LARGE1: variants seen among roughly 807,000 people sequenced by gnomAD.
The protein encoded by LARGE1 is xylosyl- and glucuronyltransferase LARGE1.
Under a neutral mutation model 87.6 loss-of-function variants are expected in LARGE1, and 43 were observed. The observed-to-expected ratio is 0.49, with a 90% CI of 0.38 to 0.63. The LOEUF (loss-of-function observed/expected upper bound fraction) is 0.63. Ranked by LOEUF, LARGE1 falls within the 30% of genes least tolerant of loss-of-function variation. The pLI is 0.00. For synonymous variants in LARGE1, 434 were observed against 394.6 expected (o/e 1.10, Z -1.18); for missense variants, 802 against 1,000.2 (o/e 0.80, Z 2.67).
chr22:33,879,033 C>T (rs981055593), intron 1 of LARGE1, among the ~76,000 whole-genome samples: 1 of 151,214 alleles, frequency 6.6e-6, no homozygotes, highest in African/African-American at 2.4e-5. Context: ...AATGCAATGG[C>T]GTGATCTCAG....
chr22:33,263,039 C>T (rs1368181203), intron 11 of LARGE1, among the ~76,000 whole-genome samples: 8 of 151,868 alleles, frequency 5.3e-5, no homozygotes, highest in Admixed American at 2.0e-4. Flanking sequence ...ATTACAGGCA[C>T]GCACCACCAT....
At chr22:33,644,645 TTATA>T (rs1208016023) in intron 3 of LARGE1, among the ~76,000 whole-genome samples, 2 of 152,158 alleles carry the variant, frequency 1.3e-5, no homozygotes, top group African/African-American at 4.8e-5. Flanking sequence ...GATGACATGA[TTATA>T]TATTTAGAAA....
At chr22:33,561,873 T>C (rs1226976256) in intron 6 of LARGE1, among the ~76,000 whole-genome samples, 1 of 152,132 alleles carries the variant, frequency 6.6e-6, no homozygotes, top group Admixed American at 6.5e-5. Flanking sequence ...GTCTAACTCC[T>C]GAAAAAGGCT....
chr22:33,521,619 G>T (rs1350519692), intron 6 of LARGE1, among the ~76,000 whole-genome samples: 2 of 152,176 alleles, frequency 1.3e-5, no homozygotes, highest in Non-Finnish European at 2.9e-5. Context: ...CCTCTTAATG[G>T]GAGGAGCTAC....
At chr22:33,457,306 T>A (rs1601924688) in intron 6 of LARGE1, among the ~76,000 whole-genome samples, 1 of 88,586 alleles carries the variant, frequency 1.1e-5, no homozygotes, top group Non-Finnish European at 2.3e-5. Flanking sequence ...TTTTTTTTTT[T>A]TTTTTTTTTT....
At chr22:33,072,905 G>T in the LARGE1 span, among the ~76,000 whole-genome samples, 1 of 152,142 alleles carries the variant, frequency 6.6e-6, no homozygotes, top group Non-Finnish European at 1.5e-5. Flanking sequence ...TCTATGAAAC[G>T]CCAGGGCTGG....
At chr22:33,785,646 G>C (rs1448568307) in intron 1 of LARGE1, among the ~76,000 whole-genome samples, 1 of 151,820 alleles carries the variant, frequency 6.6e-6, no homozygotes, top group Non-Finnish European at 1.5e-5. Flanking sequence ...CAACTGGAGG[G>C]GAAAAAAAAC....
At chr22:33,654,330 G>C (rs924327173) in intron 2 of LARGE1, among the ~76,000 whole-genome samples, 1 of 152,118 alleles carries the variant, frequency 6.6e-6, no homozygotes, top group African/African-American at 2.4e-5. Context: ...ATCTTGAGCC[G>C]GCCCCTTCCT....
intron 11 of LARGE1, among the ~76,000 whole-genome samples, chr22:33,312,869 AAC>A (rs1327819122): frequency 6.6e-6 from 1 of 152,204 alleles, no homozygotes; most frequent in East Asian, 1.9e-4. Flanking sequence ...AGGAGAAGGA[AAC>A]ACATATGTGA....
At chr22:33,436,468 C>T (rs1251706207) in intron 6 of LARGE1, 2 of 153,496 alleles carry the variant, frequency 1.3e-5, no homozygotes, top group Non-Finnish European at 2.9e-5. Context: ...GCTAAAAGCA[C>T]AGGCTCCTGG....
At chr22:33,650,942 C>G in intron 2 of LARGE1, among the ~76,000 whole-genome samples, 1 of 151,960 alleles carries the variant, frequency 6.6e-6, no homozygotes, top group Non-Finnish European at 1.5e-5. Flanking sequence ...CACTGTCTTC[C>G]TCTCCCTACT....
intron 11 of LARGE1, among the ~76,000 whole-genome samples, chr22:33,256,793 C>T (rs1298392472): frequency 6.6e-6 from 1 of 152,216 alleles, no homozygotes; most frequent in Non-Finnish European, 1.5e-5. Context: ...ATTCATTTTG[C>T]AGACAAGACT....
At chr22:33,524,199 G>A (rs1355535832) in intron 6 of LARGE1, among the ~76,000 whole-genome samples, 2 of 151,332 alleles carry the variant, frequency 1.3e-5, no homozygotes, top group East Asian at 1.9e-4. Flanking sequence ...GCTGAGGCAG[G>A]AGAACTGCTT....
intron 6 of LARGE1, among the ~76,000 whole-genome samples, chr22:33,462,306 T>C (rs1050220009): frequency 3.9e-5 from 6 of 152,126 alleles, no homozygotes; most frequent in African/African-American, 1.4e-4. Flanking sequence ...CCCTTCGGGA[T>C]GGCAAAATAA....
intron 2 of LARGE1, among the ~76,000 whole-genome samples, chr22:33,738,268 C>T (rs1245924180): frequency 6.6e-6 from 1 of 152,148 alleles, no homozygotes. Flanking sequence ...TGAACAAAGG[C>T]CAATCCCACA....
chr22:33,118,700 G>A, the LARGE1 span, among the ~76,000 whole-genome samples: 12 of 152,186 alleles, frequency 7.9e-5, no homozygotes, highest in African/African-American at 2.9e-4. Context: ...ATAAGAAACA[G>A]GTCTAATCTT....
chr22:33,691,887 C>T (rs1323751365), intron 2 of LARGE1, among the ~76,000 whole-genome samples: 2 of 152,230 alleles, frequency 1.3e-5, no homozygotes, highest in South Asian at 2.1e-4. Context: ...CCTCCCTCTA[C>T]CCCCGTATTT....
At chr22:33,352,770 C>T (rs1020445652) in intron 9 of LARGE1, among the ~76,000 whole-genome samples, 2 of 151,736 alleles carry the variant, frequency 1.3e-5, no homozygotes, top group African/African-American at 2.4e-5. Flanking sequence ...CCCCGACCCC[C>T]ACCAAAAAAA....
At chr22:33,540,168 C>T (rs2077152856) in intron 6 of LARGE1, among the ~76,000 whole-genome samples, 1 of 152,148 alleles carries the variant, frequency 6.6e-6, no homozygotes, top group South Asian at 2.1e-4. Context: ...ACCACATTGC[C>T]AACTACACTA....
Sources: allele counts gnomAD v4.1 joint callset (sites outside exome capture counted in the v4.1 genomes callset), GRCh38; gene constraint gnomAD v4.1.1; transcripts MANE v1.5; gene names NCBI Gene and HGNC (gene_info 2026-07-23, HGNC 2026-07-21).